DMD: variants seen among roughly 807,000 people sequenced by gnomAD.
DMD encodes the protein dystrophin.
A neutral mutation model predicts 330.1 loss-of-function variants in DMD; 63 were observed. The ratio of observed to expected loss-of-function variants is 0.19; its 90% confidence interval spans 0.16 to 0.24. The LOEUF is 0.24. Ranked by LOEUF, DMD falls within the 10% of genes least tolerant of loss-of-function variation. DMD has a pLI of 1.00. For synonymous variants in DMD, 1,223 were observed against 959.8 expected (o/e 1.27, Z -5.07); for missense variants, 3,344 against 2,684.1 (o/e 1.25, Z -5.43).
At chrX:31,132,498 G>C (rs2034646745) in intron 77 of DMD, among the ~76,000 whole-genome samples, 1 of 111,387 alleles carries the variant, frequency 9.0e-6, no homozygotes, top group Non-Finnish European at 1.9e-5. Flanking sequence ...GTTTAGATGT[G>C]GAAGAAATGC....
At chrX:31,508,991 C>T (rs1055420964) in intron 55 of DMD, among the ~76,000 whole-genome samples, 1 of 111,292 alleles carries the variant, frequency 9.0e-6, no homozygotes, top group Admixed American at 9.6e-5. Flanking sequence ...TAAAGCATCA[C>T]TGATGGACTC....
intron 45 of DMD, among the ~76,000 whole-genome samples, chrX:31,963,028 T>C (rs752049937): frequency 4.0e-4 from 45 of 111,620 alleles, no homozygotes; most frequent in African/African-American, 1.4e-3. Context: ...AGCTATTTGG[T>C]TGGGGGTGGG....
chrX:32,039,267 G>A (rs1179849195), intron 44 of DMD, among the ~76,000 whole-genome samples: 1 of 111,231 alleles, frequency 9.0e-6, no homozygotes, highest in Non-Finnish European at 1.9e-5. Context: ...ACTCTCAATG[G>A]CCTCATGAGA....
At chrX:33,160,638 G>C (rs958616474) in intron 1 of DMD, among the ~76,000 whole-genome samples, 1 of 112,313 alleles carries the variant, frequency 8.9e-6, no homozygotes, top group African/African-American at 3.2e-5. Flanking sequence ...GTCCTTCAGT[G>C]ATCTTAGATT....
chrX:33,051,776 G>T (rs1229098163), intron 1 of DMD, among the ~76,000 whole-genome samples: 4 of 106,175 alleles, frequency 3.8e-5, no homozygotes, highest in Non-Finnish European at 7.7e-5. Flanking sequence ...AGCCTCCCAA[G>T]AAGTTGGGAC....
chrX:32,640,354 G>T (rs929239938), intron 11 of DMD, among the ~76,000 whole-genome samples: 3 of 109,075 alleles, frequency 2.8e-5, no homozygotes, highest in African/African-American at 1.0e-4. Flanking sequence ...GAACAGAAAA[G>T]AAAAGTATAT....
intron 44 of DMD, among the ~76,000 whole-genome samples, chrX:32,191,535 C>A (rs1244188453): frequency 1.8e-5 from 2 of 111,504 alleles, no homozygotes; most frequent in African/African-American, 6.5e-5. Flanking sequence ...AGGAGCTATG[C>A]TAGGTCCCGG....
At chrX:32,546,994 T>G (rs776866433) in intron 16 of DMD, among the ~76,000 whole-genome samples, 47 of 112,186 alleles carry the variant, frequency 4.2e-4, no homozygotes, top group African/African-American at 1.5e-3. Flanking sequence ...GAATATTTTT[T>G]AACCATGAGA....
intron 44 of DMD, among the ~76,000 whole-genome samples, chrX:32,164,934 G>A (rs752032335): frequency 2.0e-4 from 23 of 112,300 alleles, no homozygotes; most frequent in African/African-American, 6.8e-4. Context: ...TTTGGCAACT[G>A]CCACGTGGTG....
intron 30 of DMD, among the ~76,000 whole-genome samples, chrX:32,402,388 G>A (rs373809876): frequency 9.0e-6 from 1 of 111,135 alleles, no homozygotes; most frequent in African/African-American, 3.3e-5. Flanking sequence ...TATAGTCAAT[G>A]AACAATAGGA....
intron 9 of DMD, among the ~76,000 whole-genome samples, chrX:32,679,882 G>A (rs1001564031): frequency 3.2e-5 from 2 of 62,346 alleles, no homozygotes; most frequent in African/African-American, 1.3e-4. Flanking sequence ...GTTGATGTTC[G>A]TTTCGCTCTA....
chrX:31,926,719 A>C (rs1015233761), intron 47 of DMD, among the ~76,000 whole-genome samples: 2 of 111,593 alleles, frequency 1.8e-5, no homozygotes, highest in African/African-American at 6.5e-5. Flanking sequence ...TACAAGAGTA[A>C]GGGGTCAGTT....
intron 62 of DMD, among the ~76,000 whole-genome samples, chrX:31,314,196 T>C (rs1401481290): frequency 8.9e-6 from 1 of 112,117 alleles, no homozygotes; most frequent in Non-Finnish European, 1.9e-5. Flanking sequence ...AATGGGAAGA[T>C]ACAGATGAAA....
chrX:33,247,064 T>C (rs2052676661), intron 1 of DMD, among the ~76,000 whole-genome samples: 1 of 112,174 alleles, frequency 8.9e-6, no homozygotes, highest in Admixed American at 9.5e-5. Context: ...GATAAATGAA[T>C]TATTCTACAT....
At chrX:32,345,376 G>A (rs1476792856) in intron 39 of DMD, among the ~76,000 whole-genome samples, 1 of 111,682 alleles carries the variant, frequency 9.0e-6, no homozygotes, top group African/African-American at 3.3e-5. Flanking sequence ...TATGAAAGTA[G>A]CAGTTCTTAT....
chrX:31,292,233 T>C (rs1027853218), intron 62 of DMD, among the ~76,000 whole-genome samples: 17 of 110,066 alleles, frequency 1.5e-4, no homozygotes, highest in African/African-American at 5.6e-4. Context: ...AACTAGAATA[T>C]GTAAAAAAAA....
Position 32,484,961 on chromosome X carries a change from C to T in DMD, c.2761G>A (p.Val921Ile), listed in dbSNP as rs746919167. The stretch of plus-strand genomic sequence containing the variant: ...TCTCTGGCCTGCACATCAGAAAAGA[C>T]TTGCTTAAAATGATTTGTAAAGGCC... ...FVAFTNHFKQVFSDVQAREKE... is the reference protein window; with the variant it reads ...FVAFTNHFKQIFSDVQAREKE... The change falls in exon 21 of 79, where the codon GTC becomes ATC. Residue 921 changes from valine (V) to isoleucine (I), a missense_variant. Coordinates refer to ENST00000357033, the MANE Select transcript of DMD (RefSeq NM_004006.3). The T allele has an allele frequency of 2.5e-6, 3 of 1,211,558 alleles. No individual in the cohort carries two copies. The Admixed American group carries it at 6.5e-5, about 26-fold the overall frequency.
At chrX:32,903,162 A>AAAAG (rs1213069171) in intron 2 of DMD, among the ~76,000 whole-genome samples, 5 of 100,117 alleles carry the variant, frequency 5.0e-5, no homozygotes, top group Admixed American at 3.5e-4. Context: ...AAAAAAAAAA[A>AAAAG]AAAGAAACTA....
chrX:31,717,355 C>A (rs745461043), intron 52 of DMD, among the ~76,000 whole-genome samples: 2 of 105,446 alleles, frequency 1.9e-5, no homozygotes, highest in Non-Finnish European at 3.9e-5. Flanking sequence ...GGTTGCCCTG[C>A]CAGACATTAA....
Sources: gnomAD v4.1 joint callset for allele counts (sites outside exome capture counted in the v4.1 genomes callset) on GRCh38, gnomAD v4.1.1 for gene constraint, MANE v1.5 for transcripts, NCBI Gene and HGNC (gene_info 2026-07-23, HGNC 2026-07-21) for gene names.